Variants in VEGFC observed in about 807,000 individuals in gnomAD.
VEGFC encodes the protein vascular endothelial growth factor C, also known as FLT4 ligand DHM.
VEGFC carries 12 observed loss-of-function variants against 46.1 expected under a neutral mutation model. That is an observed-to-expected ratio of 0.26 (90% CI 0.17 to 0.42). The LOEUF is 0.42. VEGFC is among the 10% of genes least tolerant of loss of function. The probability of loss-of-function intolerance (pLI) is 1.00; values close to 1 mark genes in which losing one functional copy is unlikely to be tolerated. For missense variants in VEGFC, 488 were observed against 529.4 expected, an observed-to-expected ratio of 0.92 and a Z score of 0.77; for synonymous variants, 232 against 195.5, an observed-to-expected ratio of 1.19 and a Z score of -1.56.
chr4:176,743,963 C>T (rs1735220210), intron 1 of VEGFC, among the ~76,000 whole-genome samples: 1 of 151,862 alleles, frequency 6.6e-6, no homozygotes, highest in Non-Finnish European at 1.5e-5. Flanking sequence ...GGTCATCATT[C>T]CAAAAGGGAA....
chr4:176,789,926 T>C (rs1442298066), intron 1 of VEGFC, among the ~76,000 whole-genome samples: 3 of 152,204 alleles, frequency 2.0e-5, no homozygotes, highest in Non-Finnish European at 4.4e-5. Flanking sequence ...ATTGCATCTA[T>C]TGGGATTATA....
At position 176,792,894 on chromosome 4, in the gene VEGFC, C is replaced by T. The variant is rs1736133006; in HGVS notation, c.-583G>A. ...AGCGCGCCGGGCTGAGCGGCGGCGG[C>T]GGCGGCGGCGGGCGCAGGGGCAGGG... On this transcript the variant is annotated 5_prime_UTR_variant, in exon 1 of 7. Coordinates refer to ENST00000618562, the MANE Select transcript of VEGFC (RefSeq NM_005429.5). This position sits in a 1 kb window ranked among gnomAD's most constrained non-coding sequence, Gnocchi z 6.3. Among the ~76,000 whole-genome samples the T allele has an allele frequency of 6.7e-6, 1 of 148,856 alleles. No homozygotes were observed. The highest frequency in any genetic ancestry group is 2.4e-5 in the African/African-American group (1 of 40,914).
intron 3 of VEGFC, among the ~76,000 whole-genome samples, chr4:176,712,302 T>C (rs895169107): frequency 2.0e-5 from 3 of 152,164 alleles, no homozygotes; most frequent in Admixed American, 2.0e-4. Flanking sequence ...AATAATGAGC[T>C]TAAAATAAAG....
intron 4 of VEGFC, among the ~76,000 whole-genome samples, chr4:176,698,233 T>C (rs75805143): frequency 0.019 from 2,843 of 151,806 alleles, 95 homozygotes; most frequent in African/African-American, 0.065. Context: ...GTGATTCTCA[T>C]ATTCTACACT....
chr4:176,752,299 T>C (rs891294859), intron 1 of VEGFC, among the ~76,000 whole-genome samples: 2 of 151,998 alleles, frequency 1.3e-5, no homozygotes, highest in Non-Finnish European at 2.9e-5. Context: ...ACAATTTATA[T>C]GGAAAATAAA....
Position 176,683,868 on chromosome 4 carries a change from A to C in VEGFC, c.*58T>G, listed in dbSNP as rs992641136. 7.1e-6 allele frequency: 10 copies of C among 1,403,562 alleles called. No homozygotes were observed. Among genetic ancestry groups the C allele is most frequent in the South Asian group, 4.6e-5 (4 of 86,440 alleles). The allele number at this position is 1,403,562 out of a possible 1,614,324, so 86.9% of individuals were successfully genotyped here. On this transcript the variant is annotated 3_prime_UTR_variant, in exon 7 of 7. Transcript: ENST00000618562. ...GGTCTCTCTGTTCACAGACAGTTCT[A>C]CTGTGGCAACACAGTTTTCCATAAT...
At chr4:176,700,196 C>T (rs577087568) in intron 4 of VEGFC, among the ~76,000 whole-genome samples, 111 of 152,298 alleles carry the variant, frequency 7.3e-4, no homozygotes, top group Non-Finnish European at 7.4e-4. Context: ...ATGGGCAGAT[C>T]ACCTGAGGTC....
intron 1 of VEGFC, among the ~76,000 whole-genome samples, chr4:176,762,884 T>G (rs960303247): frequency 1.3e-5 from 2 of 152,082 alleles, no homozygotes; most frequent in Non-Finnish European, 2.9e-5. Flanking sequence ...TCTTAAAGAG[T>G]CTAATAGTAG....
At chr4:176,727,513 A>G (rs1000309270) in intron 3 of VEGFC, among the ~76,000 whole-genome samples, 1 of 152,192 alleles carries the variant, frequency 6.6e-6, no homozygotes, top group African/African-American at 2.4e-5. Flanking sequence ...ATACATACGT[A>G]TATTTATTGT....
intron 1 of VEGFC, among the ~76,000 whole-genome samples, chr4:176,758,470 T>C (rs777494426): frequency 1.1e-4 from 17 of 152,114 alleles, no homozygotes; most frequent in Non-Finnish European, 1.9e-4. Flanking sequence ...AGCTAGGACA[T>C]GCACATTTTT....
At chr4:176,711,104 T>C (rs1734612845) in intron 4 of VEGFC, among the ~76,000 whole-genome samples, 1 of 152,160 alleles carries the variant, frequency 6.6e-6, no homozygotes, top group Non-Finnish European at 1.5e-5. Context: ...TAAAATTATT[T>C]ATATTTACTT....
At chr4:176,719,817 T>C (rs574978789) in intron 3 of VEGFC, among the ~76,000 whole-genome samples, 6 of 152,262 alleles carry the variant, frequency 3.9e-5, no homozygotes, top group South Asian at 2.1e-4. Flanking sequence ...TCCCAGCACA[T>C]TGGGTGGCCG....
intron 1 of VEGFC, among the ~76,000 whole-genome samples, chr4:176,740,355 AGTT>A (rs1330674140): frequency 9.9e-5 from 12 of 120,698 alleles, no homozygotes; most frequent in African/African-American, 3.4e-4. Context: ...ATTTATATAT[AGTT>A]ATATATATTC....
intron 4 of VEGFC, among the ~76,000 whole-genome samples, chr4:176,703,432 C>T (rs1024202874): frequency 2.6e-5 from 4 of 151,698 alleles, no homozygotes; most frequent in Admixed American, 6.6e-5. Flanking sequence ...GTGAATCTCA[C>T]GGAAGTAGAG....
chr4:176,719,348 T>C (rs1261333535), intron 3 of VEGFC, among the ~76,000 whole-genome samples: 1 of 152,188 alleles, frequency 6.6e-6, no homozygotes, highest in Non-Finnish European at 1.5e-5. Flanking sequence ...ATTAAGAAAT[T>C]TCCTTTTATA....
intron 1 of VEGFC, among the ~76,000 whole-genome samples, chr4:176,741,061 A>T (rs1400225021): frequency 6.6e-6 from 1 of 151,896 alleles, no homozygotes; most frequent in East Asian, 1.9e-4. Context: ...TTAATTGTTC[A>T]TTGTCCAATA....
At chr4:176,694,318 G>A (rs1415852305) in intron 4 of VEGFC, among the ~76,000 whole-genome samples, 2 of 151,968 alleles carry the variant, frequency 1.3e-5, no homozygotes, top group Non-Finnish European at 2.9e-5. Flanking sequence ...AAAAAAGGCA[G>A]GGGTTGTAAT....
intron 3 of VEGFC, among the ~76,000 whole-genome samples, chr4:176,724,080 C>T (rs1384643691): frequency 6.6e-6 from 1 of 152,130 alleles, no homozygotes; most frequent in East Asian, 1.9e-4. Flanking sequence ...TCTCCAGAAA[C>T]AGATATTTTT....
chr4:176,752,471 T>C (rs1735357842), intron 1 of VEGFC, among the ~76,000 whole-genome samples: 1 of 152,034 alleles, frequency 6.6e-6, no homozygotes, highest in African/African-American at 2.4e-5. Context: ...TACTCTTCAG[T>C]GTTCAGTAGG....
Sources: gnomAD v4.1 joint callset for allele counts (sites outside exome capture counted in the v4.1 genomes callset) on GRCh38, gnomAD v4.1.1 for gene constraint, Gnocchi (gnomAD v3.1) non-coding constraint, MANE v1.5 for transcripts, NCBI Gene and HGNC (gene_info 2026-07-23, HGNC 2026-07-21) for gene names.